Variants in CCSER1 observed in about 807,000 individuals in gnomAD.
CCSER1 encodes the protein serine-rich coiled-coil domain-containing protein 1.
In CCSER1, 41 loss-of-function variants were observed where a neutral mutation model predicts 82.0. The observed-to-expected ratio is 0.50, with a 90% CI of 0.39 to 0.65. The LOEUF (loss-of-function observed/expected upper bound fraction) is 0.65, where lower values mean the gene tolerates loss of function less well. Among genes scored for constraint, CCSER1 ranks in the 30% least tolerant of loss-of-function variants. The pLI is 0.00. For synonymous variants in CCSER1, 414 were observed against 383.9 expected, an observed-to-expected ratio of 1.08 and a Z score of -0.92; for missense variants, 1,119 against 1,064.2, an observed-to-expected ratio of 1.05 and a Z score of -0.72.
chr4:91,222,951 G>GT (rs1737869173), intron 10 of CCSER1, among the ~76,000 whole-genome samples: 1 of 152,116 alleles, frequency 6.6e-6, no homozygotes, highest in African/African-American at 2.4e-5. Context: ...TTATCTTGGT[G>GT]TAAAAAAATC....
At chr4:90,611,830 A>G (rs1275818658) in intron 5 of CCSER1, among the ~76,000 whole-genome samples, 1 of 149,604 alleles carries the variant, frequency 6.7e-6, no homozygotes, top group Non-Finnish European at 1.5e-5. Context: ...TATTTCTGTT[A>G]TCCTCAAAAT....
At chr4:91,044,245 T>C (rs1385040958) in intron 9 of CCSER1, among the ~76,000 whole-genome samples, 1 of 152,136 alleles carries the variant, frequency 6.6e-6, no homozygotes, top group Non-Finnish European at 1.5e-5. Flanking sequence ...GAAAGAAACA[T>C]GAATGATAGA....
chr4:90,723,793 T>G (rs1033694345), intron 6 of CCSER1, 121 bp from the exon 7 acceptor site: 6 of 432,896 alleles, frequency 1.4e-5, no homozygotes, highest in African/African-American at 1.2e-4. Flanking sequence ...ATCTGATTTT[T>G]TACATTCATA....
At chr4:90,737,769 G>A (rs1164967551) in intron 7 of CCSER1, among the ~76,000 whole-genome samples, 1 of 147,924 alleles carries the variant, frequency 6.8e-6, no homozygotes, top group Non-Finnish European at 1.5e-5. Flanking sequence ...TCTAGATTTT[G>A]TAGGTGTGCT....
In CCSER1 at chr4:90,257,216, T is replaced by C. The variant is rs939784489; in HGVS notation, c.-41-51028T>C. ...TCTTATGTTATAAAATGAAATGTTA[T>C]ATATATATATATAGGTATATGTCTA... On this transcript the variant is annotated intron_variant, in intron 1 of 10. Coordinates refer to ENST00000509176, the MANE Select transcript of CCSER1 (RefSeq NM_001145065.2). Among the ~76,000 whole-genome samples, 7 of 142,696 alleles carry C rather than the reference T, an allele frequency of 4.9e-5. No homozygotes were observed. In the South Asian group the frequency reaches 7.0e-4, roughly 14 times the overall value. The allele number at this position is 142,696 out of a possible 152,430, so 93.6% of individuals were successfully genotyped here. A position where few individuals can be genotyped will look rare whatever the true frequency, so the allele number is the denominator to read the frequency against.
At chr4:91,411,426 A>T (rs1442898967) in intron 10 of CCSER1, among the ~76,000 whole-genome samples, 1 of 140,380 alleles carries the variant, frequency 7.1e-6, no homozygotes, top group Non-Finnish European at 1.5e-5. Flanking sequence ...GCCTTAATTT[A>T]TCTGATACCA....
chr4:90,813,071 C>T (rs1007639770), intron 7 of CCSER1, among the ~76,000 whole-genome samples: 20 of 152,208 alleles, frequency 1.3e-4, no homozygotes, highest in South Asian at 4.1e-4. Context: ...TAACTCATTA[C>T]AGCATTAACT....
At chr4:90,248,942 C>T (rs1405477849) in intron 1 of CCSER1, among the ~76,000 whole-genome samples, 4 of 151,994 alleles carry the variant, frequency 2.6e-5, no homozygotes, top group Admixed American at 6.6e-5. Flanking sequence ...TCAGACGATC[C>T]GCCTTGGCTT....
At chr4:90,196,656 TACACACACACACACACACACAC>T (rs34346681) in intron 1 of CCSER1, among the ~76,000 whole-genome samples, 1 of 143,804 alleles carries the variant, frequency 7.0e-6, no homozygotes, top group Non-Finnish European at 1.5e-5. Context: ...CCTGCTCAGA[TACACACACACACACACACACAC>T]ACACACACAC....
intron 10 of CCSER1, among the ~76,000 whole-genome samples, chr4:91,175,133 C>T (rs1733192214): frequency 6.6e-6 from 1 of 152,088 alleles, no homozygotes; most frequent in Non-Finnish European, 1.5e-5. Context: ...TCATCCATGT[C>T]CCTATAAAGG....
At chr4:90,289,108 T>C (rs1482819508) in intron 1 of CCSER1, among the ~76,000 whole-genome samples, 2 of 152,000 alleles carry the variant, frequency 1.3e-5, no homozygotes. Context: ...GTTTACTTGA[T>C]GCTTTCTTCT....
At chr4:90,768,751 G>T (rs1751637818) in intron 7 of CCSER1, among the ~76,000 whole-genome samples, 1 of 152,282 alleles carries the variant, frequency 6.6e-6, no homozygotes, top group African/African-American at 2.4e-5. Context: ...GCAGAAAATA[G>T]AAAATGTGCC....
intron 3 of CCSER1, among the ~76,000 whole-genome samples, chr4:90,322,223 T>G (rs1265334066): frequency 6.6e-6 from 1 of 152,204 alleles, no homozygotes; most frequent in Non-Finnish European, 1.5e-5. Context: ...CAGCACCATT[T>G]ATTGAGGAAT....
chr4:90,486,126 A>T (rs1364051940), intron 5 of CCSER1, among the ~76,000 whole-genome samples: 1 of 152,174 alleles, frequency 6.6e-6, no homozygotes, highest in Non-Finnish European at 1.5e-5. Context: ...TAAAACATTC[A>T]TGGGCTTTGA....
In CCSER1 at chr4:91,598,650, C is replaced by A. The variant is rs569829898; in HGVS notation, c.2296C>A (p.Arg766Ser). ...AGCAATACATACTCCCACCGAGGAC[C>A]GTTTTAGGTATTCGGCAGCGGACCA... ...RKAIHTPTED[R>S]FRYSAADQTS... Residue 766 changes from arginine to serine, a missense_variant, in exon 11 of 11, where the codon CGT becomes AGT. By Grantham distance (110) the Arg-to-Ser change is moderately radical. Transcript: ENST00000509176. The A allele has an allele frequency of 1.3e-6, 2 of 1,551,394 alleles. No homozygotes were observed. The highest frequency in any genetic ancestry group is 1.4e-5 in the African/African-American group (1 of 73,066).
chr4:90,408,663 TA>T (rs1754149986), intron 4 of CCSER1, among the ~76,000 whole-genome samples: 1 of 152,038 alleles, frequency 6.6e-6, no homozygotes. Context: ...CAAAGGTAGA[TA>T]AAACCACAAA....
chr4:91,206,693 A>G (rs984938398), intron 10 of CCSER1, among the ~76,000 whole-genome samples: 1 of 151,838 alleles, frequency 6.6e-6, no homozygotes, highest in Non-Finnish European at 1.5e-5. Flanking sequence ...CTGCACAGGT[A>G]TATCTATCTG....
chr4:90,916,385 A>G (rs189590827), intron 8 of CCSER1, among the ~76,000 whole-genome samples: 2,371 of 152,262 alleles, frequency 0.016, 54 homozygotes, highest in African/African-American at 0.053. Flanking sequence ...CTGATCTTTG[A>G]CAAACCTGAC....
intron 8 of CCSER1, among the ~76,000 whole-genome samples, chr4:90,877,481 C>G (rs929922239): frequency 1.3e-5 from 2 of 151,948 alleles, no homozygotes; most frequent in Non-Finnish European, 2.9e-5. Flanking sequence ...GGTTGTCTTC[C>G]CTAACTTTAC....
Sources: gnomAD v4.1 joint callset for allele counts (sites outside exome capture counted in the v4.1 genomes callset) on GRCh38, gnomAD v4.1.1 for gene constraint, MANE v1.5 for transcripts, NCBI Gene and HGNC (gene_info 2026-07-23, HGNC 2026-07-21) for gene names.